KRT83: variants seen among roughly 807,000 people sequenced by gnomAD.
KRT83 encodes keratin, type II cuticular Hb3.
Under a neutral mutation model 52.9 loss-of-function variants are expected in KRT83, and 51 were observed. That is an observed-to-expected ratio of 0.96 (90% CI 0.77 to 1.22). KRT83 has a LOEUF of 1.22. Among genes scored for constraint, KRT83 ranks in the 50% most tolerant of loss-of-function variants. The pLI, the probability that KRT83 is intolerant of heterozygous loss-of-function variation, is 0.00. For missense variants in KRT83, 654 were observed against 666.5 expected (o/e 0.98, Z 0.21); for synonymous variants, 278 against 274.1 (o/e 1.01, Z -0.14).
chr12:52,316,872 C>T lies in KRT83; in HGVS notation c.902G>A (p.Trp301Ter), dbSNP rs1180487116. ...TGTGCCGCTCACCTTGCTGCGATAC[C>T]AGGACTCGGCCTCAGCCCGGCTACG... is the stretch of plus-strand genomic sequence containing the variant. Reference protein sequence around the residue: ...ATRSRAEAESWYRSKCEEMKA... With the variant: ...ATRSRAEAES The change falls in exon 5 of 9, where the codon TGG becomes TAG. Residue 301 changes from tryptophan (W) to a stop codon, truncating the protein, a stop_gained. Transcript: ENST00000293670. LOFTEE classifies it high-confidence loss of function. 6.2e-7 allele frequency: 1 copy of T among 1,614,180 alleles called. No individual in the cohort carries two copies. The highest frequency in any genetic ancestry group is 2.2e-5 in the East Asian group (1 of 44,884).
In KRT83 at chr12:52,317,840, C is replaced by T. The variant is rs2857666; in HGVS notation, c.655-64G>A. 0.41 allele frequency: 658,072 copies of T among 1,608,244 alleles called. 137,479 individuals carry two copies. Among genetic ancestry groups the T allele is most frequent in the African/African-American group, 0.49 (36,459 of 74,816 alleles). ...CAGAGGGCTCTGAGGACCTGGCTGCCATGTGGCAGGACAAAGAGGATGGGT... is the reference window on the plus strand; with the variant it reads ...CAGAGGGCTCTGAGGACCTGGCTGCTATGTGGCAGGACAAAGAGGATGGGT... On this transcript the variant is annotated intron_variant, in intron 3 of 8. Coordinates refer to ENST00000293670, the MANE Select transcript of KRT83 (RefSeq NM_002282.3).
At chr12:52,317,871 G>A in intron 3 of KRT83, 39 bp downstream of exon 3, 1 of 1,612,190 alleles carries the variant, frequency 6.2e-7, no homozygotes, top group East Asian at 2.2e-5. Flanking sequence ...TGGGTGGCGG[G>A]ACTCAGGGCG....
intron 2 of KRT83, 94 bp from the exon 3 acceptor site, chr12:52,318,064 C>A (rs189379116): frequency 8.7e-7 from 1 of 1,154,706 alleles, no homozygotes; most frequent in East Asian, 2.3e-5. Flanking sequence ...TAGACCTCCC[C>A]CTGCTTGTCT....
Position 52,314,816 on chromosome 12 carries a change from C to T in KRT83, c.1297G>A (p.Val433Ile), listed in dbSNP as rs755350100. 1 of 1,603,716 alleles carries T rather than the reference C, an allele frequency of 6.2e-7. No homozygotes were observed. Among genetic ancestry groups the T allele is most frequent in the African/African-American group, 1.3e-5 (1 of 74,892 alleles). ...CEGVEAVNVC[V>I]SSSRGGVVCG... is the part of the protein sequence containing the mutation. ...ACAACCCCACCCCGGGAGCTGCTGA[C>T]ACCTGTGGGAACAAGGGCAGGGTCA... Residue 433 changes from valine to isoleucine, a missense_variant and splice_region_variant, in exon 9 of 9, where the codon GTC becomes ATC. Val to Ile is a conservative substitution (Grantham distance 29, BLOSUM62 3). Coordinates refer to ENST00000293670, the MANE Select transcript of KRT83 (RefSeq NM_002282.3).
chr12:52,315,387 G>A (rs374805734), intron 7 of KRT83, 44 bp from the exon 8 acceptor site: 8 of 1,600,600 alleles, frequency 5.0e-6, no homozygotes, highest in Non-Finnish European at 6.8e-6. Context: ...AAAGAAGTCA[G>A]AATGAGGTCA....
intron 1 of KRT83, among the ~76,000 whole-genome samples, chr12:52,320,144 C>T (rs1592448656): frequency 6.6e-6 from 1 of 150,606 alleles, no homozygotes; most frequent in East Asian, 1.9e-4. Flanking sequence ...TCCTTGGTCT[C>T]TCATGCTATT....
chr12:52,318,515 G>A (rs1390630345), intron 2 of KRT83, among the ~76,000 whole-genome samples: 1 of 152,130 alleles, frequency 6.6e-6, no homozygotes, highest in South Asian at 2.1e-4. Context: ...TCCTCGCTCT[G>A]TCTCTCCCCT....
At chr12:52,317,073 T>G (rs1390748271) in intron 4 of KRT83, 50 bp from the exon 5 acceptor site, 1 of 1,612,752 alleles carries the variant, frequency 6.2e-7, no homozygotes, top group South Asian at 1.1e-5. Context: ...GGGCTTCTCC[T>G]AATCCCTGGA....
At chr12:52,317,839 C>T in intron 3 of KRT83, 63 bp from the exon 4 acceptor site, 2 of 1,612,090 alleles carry the variant, frequency 1.2e-6, no homozygotes, top group Non-Finnish European at 1.7e-6. Flanking sequence ...GACCTGGCTG[C>T]CATGTGGCAG....
intron 5 of KRT83, 46 bp downstream of exon 5, chr12:52,316,813 C>T (rs1384876424): frequency 6.2e-7 from 1 of 1,614,022 alleles, no homozygotes; most frequent in Non-Finnish European, 8.5e-7. Context: ...TACCTCACAT[C>T]CCTCCCACTG....
In KRT83 at chr12:52,316,046, C is replaced by T. The variant is rs372980511; in HGVS notation, c.1109G>A (p.Arg370His). ...QQGEAALSDA[R>H]CKLAELEGAL... Reference sequence around the variant, plus strand: ...GCCCTCCAGCTCGGCCAGCTTGCAGCGGGCATCACTGAGGGCCGCCTCACC... The same window carrying T: ...GCCCTCCAGCTCGGCCAGCTTGCAGTGGGCATCACTGAGGGCCGCCTCACC... Residue 370 changes from arginine to histidine, a missense_variant, in exon 7 of 9, where the codon CGC becomes CAC. Coordinates refer to ENST00000293670, the MANE Select transcript of KRT83 (RefSeq NM_002282.3). 1.4e-5 allele frequency: 22 copies of T among 1,613,724 alleles called. No homozygotes were observed. The highest frequency in any genetic ancestry group is 1.2e-4 in the South Asian group (11 of 91,054).
chr12:52,321,331 G>A lies in KRT83; in HGVS notation c.5C>T (p.Thr2Ile), dbSNP rs746021183. The change falls in exon 1 of 9, where the codon ACC becomes ATC. Residue 2 changes from threonine to isoleucine, a missense_variant. Physicochemically the swap from Thr to Ile is moderately conservative, Grantham distance 89 (BLOSUM62 -1). Coordinates refer to ENST00000293670, the MANE Select transcript of KRT83 (RefSeq NM_002282.3). ...ACAGCCTATGGAGTTGAAGCCACAG[G>A]TCATGACGGAGGTTAGGAGGTGTCT... is the stretch of plus-strand genomic sequence containing the variant. Reference protein sequence around the residue: MTCGFNSIGCGF... With the variant: MICGFNSIGCGF... 2 of 1,613,736 alleles carry A rather than the reference G, an allele frequency of 1.2e-6. No homozygotes were observed. The highest frequency in any genetic ancestry group is 1.7e-6 in the Non-Finnish European group (2 of 1,180,024).
At position 52,315,345 on chromosome 12, in the gene KRT83, T is replaced by A; in HGVS notation, c.1263-2A>T. 1 of 1,613,682 alleles carries A rather than the reference T, an allele frequency of 6.2e-7. No individual in the cohort carries two copies. The highest frequency in any genetic ancestry group is 8.5e-7 in the Non-Finnish European group (1 of 1,179,668). On this transcript the variant is annotated splice_acceptor_variant, in intron 7 of 8. Coordinates refer to ENST00000293670, the MANE Select transcript of KRT83 (RefSeq NM_002282.3). LOFTEE classifies it high-confidence loss of function. ...ACAGCTTCAACACCTTCACACAGCCTGAGTGGGGAAAAAGTAAGGAAGGGG... is the reference window on the plus strand; with the variant it reads ...ACAGCTTCAACACCTTCACACAGCCAGAGTGGGGAAAAAGTAAGGAAGGGG...
At chr12:52,318,475 C>A (rs1221612778) in intron 2 of KRT83, among the ~76,000 whole-genome samples, 1 of 152,014 alleles carries the variant, frequency 6.6e-6, no homozygotes, top group East Asian at 1.9e-4. Context: ...CGAGCCCTCC[C>A]CTGCCCCCAC....
At chr12:52,316,761 T>C (rs1299024436) in intron 5 of KRT83, 98 bp downstream of exon 5, 8 of 1,606,240 alleles carry the variant, frequency 5.0e-6, no homozygotes, top group South Asian at 2.2e-5. Flanking sequence ...TTACCATCCT[T>C]AGGGATCAGA....
At chr12:52,317,283 T>C (rs1938702444) in intron 4 of KRT83, among the ~76,000 whole-genome samples, 3 of 152,214 alleles carry the variant, frequency 2.0e-5, no homozygotes, top group Admixed American at 1.3e-4. Flanking sequence ...GCTCAGACCC[T>C]GTATGGGGGG....
chr12:52,318,465 C>G (rs2852458), intron 2 of KRT83, among the ~76,000 whole-genome samples: 1 of 151,734 alleles, frequency 6.6e-6, no homozygotes, highest in Middle Eastern at 3.4e-3. Context: ...TTTCTTCCTT[C>G]GAGCCCTCCC....
intron 2 of KRT83, 40 bp from the exon 3 acceptor site, chr12:52,318,010 T>G (rs1166450167): frequency 6.3e-7 from 1 of 1,577,334 alleles, no homozygotes; most frequent in Non-Finnish European, 8.7e-7. Flanking sequence ...TCTGAACAGC[T>G]CTTGATCTTG....
intron 1 of KRT83, among the ~76,000 whole-genome samples, chr12:52,320,677 T>C (rs1470180635): frequency 6.6e-6 from 1 of 152,186 alleles, no homozygotes; most frequent in African/African-American, 2.4e-5. Context: ...GCCCACACAG[T>C]GGTCCTTTGC....
Sources: allele counts gnomAD v4.1 joint callset (sites outside exome capture counted in the v4.1 genomes callset), GRCh38; gene constraint gnomAD v4.1.1; transcripts MANE v1.5; gene names NCBI Gene and HGNC (gene_info 2026-07-23, HGNC 2026-07-21).